The following BICC1 variants were observed in gnomAD, a reference collection of about 807,000 sequenced individuals.
BICC1 encodes protein bicaudal C homolog 1.
Under a neutral mutation model 111.0 loss-of-function variants are expected in BICC1, and 43 were observed. The observed-to-expected ratio is 0.39, with a 90% CI of 0.30 to 0.50. The LOEUF is 0.50. Ranked by LOEUF, BICC1 falls within the 20% of genes least tolerant of loss-of-function variation. BICC1 has a pLI of 0.88. For missense variants in BICC1, 1,091 were observed against 1,203.2 expected (o/e 0.91, Z 1.38); for synonymous variants, 467 against 434.4 (o/e 1.07, Z -0.93).
intron 3 of BICC1, among the ~76,000 whole-genome samples, chr10:58,782,004 T>C (rs1842895997): frequency 6.6e-6 from 1 of 152,232 alleles, no homozygotes; most frequent in Non-Finnish European, 1.5e-5. Flanking sequence ...ACGTGTTACA[T>C]GTTGGTGACT....
chr10:58,777,084 C>T (rs1264751233), intron 3 of BICC1, among the ~76,000 whole-genome samples: 2 of 151,236 alleles, frequency 1.3e-5, no homozygotes, highest in African/African-American at 4.9e-5. Flanking sequence ...TTCTCACACT[C>T]CTTAAATACA....
chr10:58,594,844 CATA>C lies in BICC1; in HGVS notation c.191-26008_191-26006del, dbSNP rs1844759339. Among the ~76,000 whole-genome samples the C allele has an allele frequency of 2.0e-5, 3 of 152,278 alleles. No homozygotes were observed. In the South Asian group the frequency reaches 6.2e-4, roughly 32 times the overall value. ...AATGAGCAAAACAACCAGCTAGCAT[CATA>C]ATGACAGGATCAAATTCACACATAA... is the stretch of plus-strand genomic sequence containing the variant. On this transcript the variant is annotated intron_variant, in intron 1 of 20. Transcript: ENST00000373886.
At chr10:58,522,281 C>G (rs570231840) in intron 1 of BICC1, among the ~76,000 whole-genome samples, 1 of 151,946 alleles carries the variant, frequency 6.6e-6, no homozygotes, top group African/African-American at 2.4e-5. Context: ...TAAAAACACA[C>G]TTTTCATTGT....
At chr10:58,601,168 A>ATATATATATATATATC (rs1182289120) in intron 1 of BICC1, among the ~76,000 whole-genome samples, 8 of 139,352 alleles carry the variant, frequency 5.7e-5, no homozygotes, top group East Asian at 2.0e-4. Flanking sequence ...ATATATATAT[A>ATATATATATATATATC]TATCTCCCAA....
rs192915898 is a variant in BICC1 at position 58,527,845 on chromosome 10, G to A, written c.190+14512G>A. On this transcript the variant is annotated intron_variant, in intron 1 of 20. Coordinates refer to ENST00000373886, the MANE Select transcript of BICC1 (RefSeq NM_001080512.3). ...GGAGCTTGGTGTCAGGCTCGGGTGG[G>A]TTAGAATTCTCAGTGAGAATGCAGG... is the stretch of plus-strand genomic sequence containing the variant. 2.1e-3 allele frequency among the ~76,000 whole-genome samples: 316 copies of A among 152,018 alleles called. 1 individual carries two copies. Among genetic ancestry groups the A allele is most frequent in the Middle Eastern group, 3.4e-3 (1 of 294 alleles).
chr10:58,609,687 A>C (rs1002658361), intron 1 of BICC1, among the ~76,000 whole-genome samples: 1 of 152,214 alleles, frequency 6.6e-6, no homozygotes, highest in Non-Finnish European at 1.5e-5. Flanking sequence ...ATGTGAATTC[A>C]GACTAGTCAC....
chr10:58,805,839 C>T (rs1170579694), intron 15 of BICC1, among the ~76,000 whole-genome samples: 1 of 152,128 alleles, frequency 6.6e-6, no homozygotes, highest in Non-Finnish European at 1.5e-5. Context: ...GTTGATAACA[C>T]TCAGAAAAGA....
At position 58,550,606 on chromosome 10, in the gene BICC1, T is replaced by C. The variant is rs890010485; in HGVS notation, c.190+37273T>C. Among the ~76,000 whole-genome samples the C allele has an allele frequency of 1.4e-4, 21 of 152,318 alleles. No individual in the cohort carries two copies. In the East Asian group the frequency reaches 3.9e-3, roughly 28 times the overall value. On this transcript the variant is annotated intron_variant, in intron 1 of 20. Transcript: ENST00000373886. ...TTTATGATTCATTTTGCATTGTTTGTAAAATATAAGGTCCAAGTCCAGGTT... is the reference window on the plus strand; with the variant it reads ...TTTATGATTCATTTTGCATTGTTTGCAAAATATAAGGTCCAAGTCCAGGTT...
chr10:58,675,331 A>G (rs1327441102), intron 2 of BICC1, among the ~76,000 whole-genome samples: 1 of 152,198 alleles, frequency 6.6e-6, no homozygotes, highest in Non-Finnish European at 1.5e-5. Flanking sequence ...ATATTACTGA[A>G]AAGTGCAGAA....
intron 4 of BICC1, 48 bp downstream of exon 4, chr10:58,785,128 A>G (rs1589135616): frequency 1.8e-6 from 2 of 1,134,002 alleles, no homozygotes; most frequent in African/African-American, 3.2e-5. Flanking sequence ...TGTCTCTACA[A>G]GGGCTACTTC....
intron 2 of BICC1, among the ~76,000 whole-genome samples, chr10:58,670,573 A>T: frequency 6.6e-6 from 1 of 152,200 alleles, no homozygotes; most frequent in East Asian, 1.9e-4. Context: ...AGGGACAGGC[A>T]GTGGTCAAGG....
At chr10:58,718,723 CAATATT>C (rs1359296680) in intron 3 of BICC1, among the ~76,000 whole-genome samples, 14 of 149,052 alleles carry the variant, frequency 9.4e-5, no homozygotes, top group Non-Finnish European at 4.4e-5. Context: ...ACTAGGTCCT[CAATATT>C]AATAGCATGG....
Position 58,793,493 on chromosome 10 carries a change from C to G in BICC1, c.1057C>G (p.Pro353Ala). The G allele has an allele frequency of 6.2e-7, 1 of 1,610,964 alleles. No homozygotes were observed. Among genetic ancestry groups the G allele is most frequent in the Non-Finnish European group, 8.5e-7 (1 of 1,178,392 alleles). Residue 353 changes from proline to alanine, a missense_variant, in exon 9 of 21, where the codon CCT (proline) becomes GCT (alanine). Pro to Ala is a conservative substitution (Grantham distance 27, BLOSUM62 -1). This residue lies in a region of BICC1 where 843 missense variants were observed against 900.8 expected (regional missense o/e 0.94). Coordinates refer to ENST00000373886, the MANE Select transcript of BICC1 (RefSeq NM_001080512.3). ...LARQYLMGCL[P>A]LVLMFDMKEE... ...TTGTGACATTTTCTAGGGTTGTCTT[C>G]CTCTTGTGTTGATGTTTGATATGAA...
intron 1 of BICC1, among the ~76,000 whole-genome samples, chr10:58,576,102 C>T (rs879869989): frequency 2.6e-5 from 4 of 152,124 alleles, no homozygotes; most frequent in Non-Finnish European, 4.4e-5. Flanking sequence ...CAGAGTGTCA[C>T]CTAGCCCCTA....
At chr10:58,647,209 A>G (rs1838296539) in intron 2 of BICC1, among the ~76,000 whole-genome samples, 2 of 152,194 alleles carry the variant, frequency 1.3e-5, no homozygotes, top group African/African-American at 4.8e-5. Context: ...TTTTAGTTAT[A>G]GTCTCACATC....
chr10:58,672,416 A>C (rs1839211944), intron 2 of BICC1, among the ~76,000 whole-genome samples: 2 of 152,128 alleles, frequency 1.3e-5, no homozygotes. Context: ...GATGTTTGTG[A>C]ATTGAGTGAA....
In BICC1 at chr10:58,829,009, C is replaced by A. The variant is rs1245877874; in HGVS notation, c.*118C>A. 21 of 1,252,344 alleles carry A rather than the reference C, an allele frequency of 1.7e-5. No individual in the cohort carries two copies. The highest frequency in any genetic ancestry group is 2.3e-5 in the Non-Finnish European group (21 of 906,770). 77.6% of individuals were successfully genotyped at this position (1,252,344 alleles called of 1,614,324 possible). A position where few individuals can be genotyped will look rare whatever the true frequency, so the allele number is the denominator to read the frequency against. ...TGGGTGTCTGGTATCAGGACCAAAGCATTTTATTCGCACCTGTACTTTATG... is the reference window on the plus strand; with the variant it reads ...TGGGTGTCTGGTATCAGGACCAAAGAATTTTATTCGCACCTGTACTTTATG... On this transcript the variant is annotated 3_prime_UTR_variant, in exon 21 of 21. Transcript: ENST00000373886.
intron 1 of BICC1, among the ~76,000 whole-genome samples, chr10:58,570,534 T>G (rs1843915957): frequency 6.6e-6 from 1 of 152,140 alleles, no homozygotes; most frequent in African/African-American, 2.4e-5. Flanking sequence ...GTGAAACTAT[T>G]CATAACAGAT....
At chr10:58,826,923 A>T (rs549220617) in intron 20 of BICC1, among the ~76,000 whole-genome samples, 1 of 152,340 alleles carries the variant, frequency 6.6e-6, no homozygotes, top group South Asian at 2.1e-4. Flanking sequence ...ACCAGCCGCC[A>T]GTCTTTTGGT....
Sources: gnomAD v4.1 joint callset for allele counts (sites outside exome capture counted in the v4.1 genomes callset) on GRCh38, gnomAD v4.1.1 for gene constraint, gnomAD v4.1.1 regional missense constraint, MANE v1.5 for transcripts, NCBI Gene and HGNC (gene_info 2026-07-23, HGNC 2026-07-21) for gene names.